Variants in RBFOX1 observed in about 807,000 individuals in gnomAD.
The protein encoded by RBFOX1 is RNA binding protein fox-1 homolog 1.
RBFOX1 carries 8 observed loss-of-function variants against 57.7 expected under a neutral mutation model. The observed-to-expected ratio is 0.14, with a 90% CI of 0.08 to 0.25. RBFOX1 has a LOEUF of 0.25. Among genes scored for constraint, RBFOX1 ranks in the 10% least tolerant of loss-of-function variants. RBFOX1 has a pLI of 1.00. For synonymous variants in RBFOX1, 326 were observed against 222.4 expected (o/e 1.47, Z -4.15); for missense variants, 611 against 548.5 (o/e 1.11, Z -1.14).
intron 4 of RBFOX1, among the ~76,000 whole-genome samples, chr16:7,305,905 G>A (rs939838336): frequency 1.3e-5 from 2 of 152,112 alleles, no homozygotes; most frequent in African/African-American, 2.4e-5. Context: ...CACAATTTCT[G>A]TGCCTTTGCT....
intron 4 of RBFOX1, among the ~76,000 whole-genome samples, chr16:5,900,953 C>G (rs1000581739): frequency 6.6e-6 from 1 of 152,216 alleles, no homozygotes; most frequent in Non-Finnish European, 1.5e-5. Flanking sequence ...AGTGCAGTGG[C>G]TCTATCTCAG....
chr16:5,542,631 T>C (rs1309319645), intron 2 of RBFOX1, among the ~76,000 whole-genome samples: 1 of 152,146 alleles, frequency 6.6e-6, no homozygotes, highest in African/African-American at 2.4e-5. Flanking sequence ...GGATTTTAAG[T>C]AAACAAAAAG....
chr16:5,455,786 G>A (rs1445495576), intron 1 of RBFOX1, among the ~76,000 whole-genome samples: 1 of 152,132 alleles, frequency 6.6e-6, no homozygotes, highest in African/African-American at 2.4e-5. Flanking sequence ...GAAGTGAAAT[G>A]CAGGGTGAAG....
In RBFOX1 at chr16:7,167,962, G is replaced by C. The variant is rs891474832; in HGVS notation, c.27+115864G>C. Among the ~76,000 whole-genome samples, 7 of 152,140 alleles carry C rather than the reference G, an allele frequency of 4.6e-5. No individual in the cohort carries two copies. In the South Asian group the frequency reaches 1.2e-3, roughly 27 times the overall value. On this transcript the variant is annotated intron_variant, in intron 4 of 15. Coordinates refer to ENST00000550418, the MANE Select transcript of RBFOX1 (RefSeq NM_018723.4). ...TAGGGGATGTTTGTAGTGAGAGTCT[G>C]TCTTTAACAGCGCAGAACCACACAA...
intron 2 of RBFOX1, among the ~76,000 whole-genome samples, chr16:6,549,428 A>G (rs1599546791): frequency 3.2e-5 from 1 of 30,888 alleles, no homozygotes; most frequent in Non-Finnish European, 6.1e-5. Flanking sequence ...GGAGGAGGGG[A>G]GGAGGGAGGA....
intron 4 of RBFOX1, among the ~76,000 whole-genome samples, chr16:5,914,924 AAG>A (rs1044738576): frequency 6.6e-6 from 1 of 152,024 alleles, no homozygotes; most frequent in Non-Finnish European, 1.5e-5. Context: ...AACAAAAAAA[AAG>A]AGAGTCTATG....
At chr16:6,399,413 C>A (rs1166849099) in intron 2 of RBFOX1, among the ~76,000 whole-genome samples, 3 of 152,214 alleles carry the variant, frequency 2.0e-5, no homozygotes, top group Non-Finnish European at 4.4e-5. Flanking sequence ...TTCCACTGAT[C>A]TCTAGGGCAG....
chr16:5,403,455 G>A (rs1161189459), intron 1 of RBFOX1, among the ~76,000 whole-genome samples: 1 of 151,602 alleles, frequency 6.6e-6, no homozygotes, highest in Non-Finnish European at 1.5e-5. Context: ...GTTTCTGTTT[G>A]TTTTTTGAGA....
intron 1 of RBFOX1, among the ~76,000 whole-genome samples, chr16:5,415,214 C>A (rs7191963): frequency 0.043 from 6,540 of 152,162 alleles, 496 homozygotes; most frequent in African/African-American, 0.15. Context: ...GGGGAGACCT[C>A]AGGAAACTTA....
chr16:6,508,742 T>C (rs546957195), intron 2 of RBFOX1, among the ~76,000 whole-genome samples: 8 of 152,292 alleles, frequency 5.3e-5, no homozygotes, highest in African/African-American at 1.9e-4. Flanking sequence ...ATTCACAGGA[T>C]GAATTACTTG....
Position 7,281,152 on chromosome 16 carries a change from G to A in RBFOX1, c.27+229054G>A, listed in dbSNP as rs1242113554. On this transcript the variant is annotated intron_variant, in intron 4 of 15. Transcript: ENST00000550418. ...TGAATAGCTGGGATTACAGGTGTGT[G>A]CCACCACACCTGGCTAATTTTTATA... Among the ~76,000 whole-genome samples the A allele has an allele frequency of 2.6e-5, 4 of 151,842 alleles. No homozygotes were observed. The East Asian group carries it at 5.8e-4, about 22-fold the overall frequency.
intron 3 of RBFOX1, among the ~76,000 whole-genome samples, chr16:5,845,243 A>G (rs2056725581): frequency 6.6e-6 from 1 of 152,198 alleles, no homozygotes; most frequent in South Asian, 2.1e-4. Flanking sequence ...CTCAGCCAGC[A>G]CTTCAAAGTT....
At position 5,550,266 on chromosome 16, in the gene RBFOX1, G is replaced by C. The variant is rs189839859; in HGVS notation, c.259-48636G>C. Among the ~76,000 whole-genome samples, 341 of 152,278 alleles carry C rather than the reference G, an allele frequency of 2.2e-3. 1 individual carries two copies. Among genetic ancestry groups the C allele is most frequent in the Non-Finnish European group, 3.7e-3 (253 of 68,016 alleles). ...TGTAGGATCTCAAGAGCACCCAATC[G>C]TGGCACCTGCCTTTGTTTACCTACT... On this transcript the variant is annotated intron_variant, in intron 2 of 2. Coordinates refer to the RBFOX1 transcript ENST00000585867.
intron 3 of RBFOX1, among the ~76,000 whole-genome samples, chr16:6,935,575 T>C (rs1399676786): frequency 6.6e-6 from 1 of 152,214 alleles, no homozygotes; most frequent in East Asian, 1.9e-4. Flanking sequence ...TATCCTTGAA[T>C]ATTCAAAAAT....
intron 1 of RBFOX1, among the ~76,000 whole-genome samples, chr16:6,229,143 ATC>A (rs375403413): frequency 6.6e-6 from 1 of 152,196 alleles, no homozygotes; most frequent in African/African-American, 2.4e-5. Flanking sequence ...GATAAATGAC[ATC>A]TCCTTACCTT....
intron 1 of RBFOX1, among the ~76,000 whole-genome samples, chr16:6,217,452 C>T (rs964830417): frequency 1.3e-5 from 2 of 152,132 alleles, no homozygotes; most frequent in South Asian, 2.1e-4. Context: ...TTATCGGGAC[C>T]TTCCTGGGAC....
chr16:6,494,016 A>G (rs1392068870), intron 2 of RBFOX1, among the ~76,000 whole-genome samples: 5 of 152,220 alleles, frequency 3.3e-5, no homozygotes. Context: ...AGTGTATTGA[A>G]AACTTTCATT....
At position 5,946,187 on chromosome 16, in the gene RBFOX1, C is replaced by G. The variant is rs2059396640; in HGVS notation, c.351+78852C>G. ...ATGTGATGGAAAGTGCACAGACGGC[C>G]CGAGGTGGGGGCCAGGCTCTGCCAC... On this transcript the variant is annotated intron_variant, in intron 4 of 19. Coordinates refer to the RBFOX1 transcript ENST00000641259. This position sits in a 1 kb window ranked among gnomAD's most constrained non-coding sequence, Gnocchi z 4.6. 6.6e-6 allele frequency among the ~76,000 whole-genome samples: 1 copy of G among 152,134 alleles called. No homozygotes were observed. The highest frequency in any genetic ancestry group is 2.1e-4 in the South Asian group (1 of 4,822).
At chr16:7,577,655 TG>T (rs146228262) in intron 5 of RBFOX1, among the ~76,000 whole-genome samples, 141 of 152,326 alleles carry the variant, frequency 9.3e-4, no homozygotes, top group Middle Eastern at 3.4e-3. Context: ...CCCAGTGCTT[TG>T]GGAGGCAGAG....
Sources: gnomAD v4.1 joint callset for allele counts (sites outside exome capture counted in the v4.1 genomes callset) on GRCh38, gnomAD v4.1.1 for gene constraint, Gnocchi (gnomAD v3.1) non-coding constraint, MANE v1.5 for transcripts, NCBI Gene and HGNC (gene_info 2026-07-23, HGNC 2026-07-21) for gene names.